The following GAS7 variants were observed in gnomAD, a reference collection of about 807,000 sequenced individuals.
GAS7 encodes growth arrest-specific protein 7.
Under a neutral mutation model 71.1 loss-of-function variants are expected in GAS7, and 28 were observed. The ratio of observed to expected loss-of-function variants is 0.39; its 90% CI spans 0.29 to 0.54. The LOEUF is 0.54. Ranked by LOEUF, GAS7 falls within the 20% of genes least tolerant of loss-of-function variation. The pLI is 0.62. For missense variants in GAS7, 436 were observed against 627.8 expected (o/e 0.69, Z 3.27); for synonymous variants, 258 against 245.8 (o/e 1.05, Z -0.46).
At position 10,032,111 on chromosome 17, in the gene GAS7, G is replaced by GAAA. The variant is rs749716743; in HGVS notation, c.184-12217_184-12215dup. Among the ~76,000 whole-genome samples, 159 of 74,748 alleles carry GAAA rather than the reference G, an allele frequency of 2.1e-3. 4 individuals are homozygous for GAAA. The Middle Eastern group carries it at 0.023, about 11-fold the overall frequency. 49.0% of individuals were successfully genotyped at this position (74,748 alleles called of 152,430 possible). ...AGCCTGGAGGGGTTGGGGAACCTCA[G>GAAA]AAAAAAAAAAAAAAAAAAACCCTAC... On this transcript the variant is annotated intron_variant, in intron 1 of 13. Coordinates refer to ENST00000432992, the MANE Select transcript of GAS7 (RefSeq NM_201433.2).
intron 2 of GAS7, among the ~76,000 whole-genome samples, chr17:10,013,325 C>T (rs2071853581): frequency 6.6e-6 from 1 of 152,144 alleles, no homozygotes; most frequent in Non-Finnish European, 1.5e-5. Context: ...GTTAGTGCAG[C>T]CTGCACAGAC....
At chr17:10,153,725 T>A (rs2074184603) in intron 1 of GAS7, among the ~76,000 whole-genome samples, 1 of 152,166 alleles carries the variant, frequency 6.6e-6, no homozygotes, top group South Asian at 2.1e-4. Context: ...ATTTTACAGA[T>A]GAGGAAATTG....
At chr17:9,937,810 G>A (rs2068455257) in intron 8 of GAS7, among the ~76,000 whole-genome samples, 1 of 152,204 alleles carries the variant, frequency 6.6e-6, no homozygotes, top group Admixed American at 6.5e-5. Context: ...CTCCCCCTTG[G>A]AGAAGGAATT....
At chr17:10,182,212 T>A (rs2074421951) in intron 1 of GAS7, among the ~76,000 whole-genome samples, 2 of 152,214 alleles carry the variant, frequency 1.3e-5, no homozygotes, top group Non-Finnish European at 2.9e-5. Flanking sequence ...CAGGCTGGAG[T>A]GCAATGGCAC....
At chr17:10,072,480 A>T (rs549626224) in intron 1 of GAS7, among the ~76,000 whole-genome samples, 1 of 152,296 alleles carries the variant, frequency 6.6e-6, no homozygotes, top group Non-Finnish European at 1.5e-5. Flanking sequence ...AGAAGGACAA[A>T]GCTCCTGAAG....
At chr17:10,075,612 T>C (rs1406130492) in intron 1 of GAS7, among the ~76,000 whole-genome samples, 2 of 151,700 alleles carry the variant, frequency 1.3e-5, no homozygotes, top group Non-Finnish European at 2.9e-5. Context: ...CTGGGCAATA[T>C]AGCGAGACCC....
At chr17:10,037,795 G>A (rs2152225649) in intron 1 of GAS7, among the ~76,000 whole-genome samples, 1 of 152,242 alleles carries the variant, frequency 6.6e-6, no homozygotes, top group Admixed American at 6.5e-5. Flanking sequence ...AATGCTCAAT[G>A]AAAGCTAGGA....
At chr17:9,971,061 G>T (rs2069940684) in intron 3 of GAS7, among the ~76,000 whole-genome samples, 2 of 152,100 alleles carry the variant, frequency 1.3e-5, no homozygotes, top group Non-Finnish European at 2.9e-5. Flanking sequence ...AGCGATAATA[G>T]CAAAAGTTAT....
At chr17:10,128,056 C>A (rs1002339272) in intron 1 of GAS7, among the ~76,000 whole-genome samples, 6 of 152,182 alleles carry the variant, frequency 3.9e-5, no homozygotes, top group African/African-American at 4.8e-5. Flanking sequence ...TTCCAGGGAG[C>A]CCAGCCAGGC....
At chr17:10,142,850 A>T (rs1441126081) in intron 1 of GAS7, among the ~76,000 whole-genome samples, 1 of 152,172 alleles carries the variant, frequency 6.6e-6, no homozygotes, top group African/African-American at 2.4e-5. Flanking sequence ...GACATCAGTA[A>T]CAGGGAGTGT....
chr17:10,193,859 G>A (rs769383490), intron 1 of GAS7, among the ~76,000 whole-genome samples: 7 of 152,144 alleles, frequency 4.6e-5, no homozygotes, highest in Non-Finnish European at 7.3e-5. Context: ...GCTGAGCCCC[G>A]TCAATCCACA....
At chr17:10,195,090 A>G (rs1339905954) in intron 1 of GAS7, among the ~76,000 whole-genome samples, 1 of 152,134 alleles carries the variant, frequency 6.6e-6, no homozygotes, top group Non-Finnish European at 1.5e-5. Context: ...TGGGCCTACC[A>G]GAGACCTCTA....
At chr17:10,081,919 A>G (rs1295778742) in intron 1 of GAS7, among the ~76,000 whole-genome samples, 1 of 152,224 alleles carries the variant, frequency 6.6e-6, no homozygotes, top group South Asian at 2.1e-4. Flanking sequence ...TATGGACCCA[A>G]GAAATACCCA....
At chr17:9,999,205 G>A (rs1181156422) in intron 2 of GAS7, among the ~76,000 whole-genome samples, 1 of 152,134 alleles carries the variant, frequency 6.6e-6, no homozygotes, top group Non-Finnish European at 1.5e-5. Flanking sequence ...CCAGTAAAAG[G>A]TGTGACTTTA....
At chr17:10,017,713 T>C (rs2072098312) in intron 2 of GAS7, among the ~76,000 whole-genome samples, 1 of 152,230 alleles carries the variant, frequency 6.6e-6, no homozygotes, top group South Asian at 2.1e-4. Flanking sequence ...GGAACACAGC[T>C]ACACTCATTT....
chr17:9,998,633 A>C (rs1264115434), intron 2 of GAS7, among the ~76,000 whole-genome samples: 1 of 152,148 alleles, frequency 6.6e-6, no homozygotes, highest in Non-Finnish European at 1.5e-5. Flanking sequence ...CAGAAAGAAA[A>C]AAAGGCAGAA....
At chr17:9,947,473 G>A (rs540776831) in intron 5 of GAS7, among the ~76,000 whole-genome samples, 10 of 152,314 alleles carry the variant, frequency 6.6e-5, no homozygotes, top group African/African-American at 1.9e-4. Context: ...GGCCGGGCGC[G>A]GTGGCTCACG....
chr17:9,985,301 G>A (rs1018870958), intron 2 of GAS7, among the ~76,000 whole-genome samples: 4 of 152,250 alleles, frequency 2.6e-5, no homozygotes, highest in Admixed American at 6.5e-5. Flanking sequence ...CATGGCACAC[G>A]GAATCAATTC....
intron 1 of GAS7, among the ~76,000 whole-genome samples, chr17:10,186,402 CTTTT>C (rs71139025): frequency 1.6e-5 from 2 of 128,112 alleles, no homozygotes; most frequent in African/African-American, 3.0e-5. Flanking sequence ...TATTCAAAGG[CTTTT>C]TTTTTTTTTT....
Sources: allele counts gnomAD v4.1 joint callset (sites outside exome capture counted in the v4.1 genomes callset), GRCh38; gene constraint gnomAD v4.1.1; transcripts MANE v1.5; gene names NCBI Gene and HGNC (gene_info 2026-07-23, HGNC 2026-07-21).